Variants in GPHN observed in about 807,000 individuals in gnomAD.
The protein encoded by GPHN is gephyrin.
GPHN carries 17 observed loss-of-function variants against 95.5 expected under a neutral mutation model. The ratio of observed to expected loss-of-function variants is 0.18; its 90% CI spans 0.12 to 0.27. The LOEUF (loss-of-function observed/expected upper bound fraction) is 0.27, where lower values mean the gene tolerates loss of function less well. Among genes scored for constraint, GPHN ranks in the 10% least tolerant of loss-of-function variants. The pLI is 1.00. For missense variants in GPHN, 660 were observed against 978.1 expected, an observed-to-expected ratio of 0.67 and a Z score of 4.34; for synonymous variants, 320 against 322.5, an observed-to-expected ratio of 0.99 and a Z score of 0.08.
the GPHN span, among the ~76,000 whole-genome samples, chr14:67,420,778 AG>A: frequency 6.6e-6 from 1 of 152,260 alleles, no homozygotes; most frequent in Non-Finnish European, 1.5e-5. Context: ...CACCTTTCAC[AG>A]TAGGGTGAAG....
intron 18 of GPHN, among the ~76,000 whole-genome samples, chr14:67,149,625 T>C (rs989430629): frequency 3.3e-5 from 5 of 152,254 alleles, no homozygotes; most frequent in African/African-American, 1.2e-4. Flanking sequence ...GTTATACTTC[T>C]CTGTCATTAT....
chr14:67,288,967 T>TC, the GPHN span, among the ~76,000 whole-genome samples: 1 of 60,976 alleles, frequency 1.6e-5, no homozygotes, highest in South Asian at 3.4e-4. Context: ...TTATTTCCTT[T>TC]TTTTTTTTTT....
At chr14:66,713,440 C>CTAAG (rs2069861986) in intron 2 of GPHN, among the ~76,000 whole-genome samples, 1 of 151,772 alleles carries the variant, frequency 6.6e-6, no homozygotes, top group South Asian at 2.1e-4. Context: ...GATCAGTTGG[C>CTAAG]TAAGTATTTG....
intron 1 of GPHN, among the ~76,000 whole-genome samples, chr14:66,525,820 C>A (rs952650351): frequency 6.6e-6 from 1 of 152,000 alleles, no homozygotes; most frequent in African/African-American, 2.4e-5. Context: ...ATTTCTGAGG[C>A]CTCTGTTCTG....
At chr14:66,772,357 G>C (rs185238536) in intron 2 of GPHN, among the ~76,000 whole-genome samples, 104 of 152,282 alleles carry the variant, frequency 6.8e-4, no homozygotes, top group Non-Finnish European at 1.3e-3. Flanking sequence ...CTTTGACCTC[G>C]TGGTAGGCAG....
At chr14:67,085,862 T>G (rs2153665945) in intron 11 of GPHN, among the ~76,000 whole-genome samples, 1 of 152,306 alleles carries the variant, frequency 6.6e-6, no homozygotes, top group East Asian at 1.9e-4. Context: ...ACACTAACTC[T>G]TCTTTCCCTC....
chr14:66,642,758 T>A (rs1840029832), intron 1 of GPHN, among the ~76,000 whole-genome samples: 2 of 152,062 alleles, frequency 1.3e-5, no homozygotes, highest in Admixed American at 1.3e-4. Flanking sequence ...CTGATTTTTT[T>A]AAGTATAATG....
At chr14:67,411,988 G>A in the GPHN span, 1 of 1,528,760 alleles carries the variant, frequency 6.5e-7, no homozygotes, top group South Asian at 1.2e-5. Flanking sequence ...CCCCACCCGG[G>A]CAATGTCCCG....
At chr14:66,545,840 G>A (rs572789878) in intron 1 of GPHN, among the ~76,000 whole-genome samples, 251 of 149,842 alleles carry the variant, frequency 1.7e-3, no homozygotes, top group East Asian at 2.4e-3. Flanking sequence ...CCTCCCGGAC[G>A]GGGTGGCTGG....
At chr14:67,133,286 C>T (rs1160379446) in intron 17 of GPHN, among the ~76,000 whole-genome samples, 3 of 152,094 alleles carry the variant, frequency 2.0e-5, no homozygotes, top group Non-Finnish European at 4.4e-5. Flanking sequence ...CATCTTCACT[C>T]ATCTTAAAAT....
the GPHN span, chr14:67,714,741 G>A: frequency 6.6e-6 from 1 of 152,230 alleles, no homozygotes; most frequent in African/African-American, 2.4e-5. Flanking sequence ...TGGGATATAA[G>A]TTGAAAAGAG....
chr14:66,586,443 G>C (rs1050807171), intron 1 of GPHN, among the ~76,000 whole-genome samples: 16 of 152,136 alleles, frequency 1.1e-4, no homozygotes, highest in Non-Finnish European at 2.2e-4. Flanking sequence ...ATGTTAGCTG[G>C]TTATTTTGCT....
At chr14:67,232,293 T>C in the GPHN span, among the ~76,000 whole-genome samples, 1 of 152,218 alleles carries the variant, frequency 6.6e-6, no homozygotes, top group Admixed American at 6.5e-5. Context: ...GGAAACCAGC[T>C]GTTCCTTACG....
chr14:66,646,174 C>T (rs1049513860), intron 1 of GPHN, among the ~76,000 whole-genome samples: 2 of 152,048 alleles, frequency 1.3e-5, no homozygotes, highest in Admixed American at 1.3e-4. Context: ...AAAGAAGATA[C>T]TCAATGGCCA....
the GPHN span, chr14:67,374,530 T>C: frequency 6.2e-7 from 1 of 1,608,054 alleles, no homozygotes; most frequent in Non-Finnish European, 8.5e-7. Context: ...TGAAGACAAA[T>C]TCACAAAATC....
At chr14:67,543,718 C>A in the GPHN span, among the ~76,000 whole-genome samples, 1 of 151,496 alleles carries the variant, frequency 6.6e-6, no homozygotes, top group Non-Finnish European at 1.5e-5. Context: ...CTCAGCCAGG[C>A]AGTCTGAGAT....
intron 1 of GPHN, among the ~76,000 whole-genome samples, chr14:66,586,106 G>A (rs988544189): frequency 1.6e-4 from 24 of 152,268 alleles, no homozygotes; most frequent in African/African-American, 5.8e-4. Context: ...AGGGTAGTTA[G>A]CTCTTCTTGT....
At chr14:67,373,375 G>A in the GPHN span, among the ~76,000 whole-genome samples, 41 of 152,106 alleles carry the variant, frequency 2.7e-4, no homozygotes, top group Non-Finnish European at 4.4e-4. Flanking sequence ...AATAAAATCA[G>A]TGTATATGAA....
chr14:67,414,078 C>T, the GPHN span, among the ~76,000 whole-genome samples: 1 of 152,228 alleles, frequency 6.6e-6, no homozygotes, highest in East Asian at 1.9e-4. Context: ...TAACTGTGGT[C>T]TATCCATCTC....
Sources: allele counts gnomAD v4.1 joint callset (sites outside exome capture counted in the v4.1 genomes callset), GRCh38; gene constraint gnomAD v4.1.1; transcripts MANE v1.5; gene names NCBI Gene and HGNC (gene_info 2026-07-23, HGNC 2026-07-21).